Variants in GOLIM4 observed in about 807,000 individuals in gnomAD.
GOLIM4 encodes 130 kDa golgi-localized phosphoprotein.
Under a neutral mutation model 107.4 loss-of-function variants are expected in GOLIM4, and 71 were observed. The ratio of observed to expected loss-of-function variants is 0.66; its 90% CI spans 0.55 to 0.81. The LOEUF (loss-of-function observed/expected upper bound fraction) is 0.81. GOLIM4 is among the 30% of genes least tolerant of loss of function. The pLI is 0.00. For missense variants in GOLIM4, 830 were observed against 826.1 expected (o/e 1.00, Z -0.06); for synonymous variants, 327 against 294.8 (o/e 1.11, Z -1.12).
chr3:168,010,814 C>A lies in GOLIM4; in HGVS notation c.1870G>T (p.Asp624Tyr). 1 of 1,608,046 alleles carries A rather than the reference C, an allele frequency of 6.2e-7. No homozygotes were observed. Among genetic ancestry groups the A allele is most frequent in the South Asian group, 1.1e-5 (1 of 90,986 alleles). Residue 624 changes from aspartate to tyrosine, a missense_variant, in exon 15 of 16, where the codon GAT becomes TAT. Physicochemically the swap from Asp to Tyr is radical, Grantham distance 160. Coordinates refer to ENST00000470487, the MANE Select transcript of GOLIM4 (RefSeq NM_014498.5). ...TCCCTTTTTTTCTCTTCAGTCAAAT[C>A]TTCCTGAACCTAAAACAAACCACAG... ...QEEAEEEVQE[D>Y]LTEEKKRELE...
intron 10 of GOLIM4, 52 bp downstream of exon 10, chr3:168,029,728 A>G (rs1718198987): frequency 6.3e-7 from 1 of 1,591,434 alleles, no homozygotes; most frequent in Non-Finnish European, 8.6e-7. Flanking sequence ...TAATTTGCGT[A>G]TGAAAACTGG....
chr3:168,038,489 G>A (rs1718785753), intron 7 of GOLIM4, among the ~76,000 whole-genome samples: 1 of 152,176 alleles, frequency 6.6e-6, no homozygotes, highest in Non-Finnish European at 1.5e-5. Flanking sequence ...TAAGAGTTAA[G>A]CGTGATTTCA....
At chr3:168,087,497 T>C (rs1300370486) in intron 1 of GOLIM4, among the ~76,000 whole-genome samples, 1 of 152,166 alleles carries the variant, frequency 6.6e-6, no homozygotes, top group Non-Finnish European at 1.5e-5. Flanking sequence ...ACATGCCACA[T>C]AAAATCAACT....
rs991692226 is a variant in GOLIM4 at position 168,009,742 on chromosome 3, T to C, written c.*527A>G. The C allele has an allele frequency of 2.6e-5, 4 of 152,256 alleles. No individual in the cohort carries two copies. The highest frequency in any genetic ancestry group is 9.6e-5 in the African/African-American group (4 of 41,464). The allele number at this position is 152,256 out of a possible 1,614,324, so 9.4% of individuals were successfully genotyped here. ...ACAAAAATGGATTTCCAATTGTATG[T>C]CACTTTGTACATAGATCTCACTCCA... is the stretch of plus-strand genomic sequence containing the variant. On this transcript the variant is annotated 3_prime_UTR_variant, in exon 16 of 16. Coordinates refer to ENST00000470487, the MANE Select transcript of GOLIM4 (RefSeq NM_014498.5).
At chr3:168,083,869 G>A (rs763916064) in intron 1 of GOLIM4, among the ~76,000 whole-genome samples, 2 of 152,196 alleles carry the variant, frequency 1.3e-5, no homozygotes, top group African/African-American at 2.4e-5. Flanking sequence ...GCTGAATTCA[G>A]CATGTGCTGA....
At chr3:168,017,092 G>C (rs1327697723) in intron 14 of GOLIM4, among the ~76,000 whole-genome samples, 4 of 152,104 alleles carry the variant, frequency 2.6e-5, no homozygotes, top group African/African-American at 9.7e-5. Flanking sequence ...AAATCAATGT[G>C]ATTGATCCTG....
At chr3:168,086,554 T>C (rs1165451113) in intron 1 of GOLIM4, among the ~76,000 whole-genome samples, 1 of 152,222 alleles carries the variant, frequency 6.6e-6, no homozygotes, top group Non-Finnish European at 1.5e-5. Flanking sequence ...AATAATATCA[T>C]TTCAATGTTC....
chr3:168,072,923 A>G (rs993724104), intron 1 of GOLIM4, among the ~76,000 whole-genome samples: 5 of 152,210 alleles, frequency 3.3e-5, no homozygotes, highest in African/African-American at 7.2e-5. Flanking sequence ...ACACAGTTTC[A>G]TGTATTTTTA....
At chr3:168,069,071 G>T (rs1329914385) in intron 1 of GOLIM4, among the ~76,000 whole-genome samples, 2 of 152,046 alleles carry the variant, frequency 1.3e-5, no homozygotes, top group African/African-American at 4.8e-5. Context: ...TCCTGATGGT[G>T]ATCTGCTCAC....
chr3:168,087,328 G>A (rs1290378345), intron 1 of GOLIM4, among the ~76,000 whole-genome samples: 2 of 152,030 alleles, frequency 1.3e-5, no homozygotes, highest in African/African-American at 2.4e-5. Flanking sequence ...TCAAGTTGTT[G>A]GCTGCCTAAC....
At chr3:168,048,854 A>G (rs1246534404) in intron 1 of GOLIM4, among the ~76,000 whole-genome samples, 3 of 152,190 alleles carry the variant, frequency 2.0e-5, no homozygotes, top group African/African-American at 7.2e-5. Context: ...GGCTGCCTGG[A>G]TCCATAAGGA....
At chr3:168,067,696 T>C (rs2108274440) in intron 1 of GOLIM4, among the ~76,000 whole-genome samples, 1 of 152,128 alleles carries the variant, frequency 6.6e-6, no homozygotes, top group Admixed American at 6.5e-5. Context: ...ATAGGAAATA[T>C]AAATGAATGA....
chr3:168,051,770 T>C (rs1469432326), intron 1 of GOLIM4, among the ~76,000 whole-genome samples: 5 of 152,122 alleles, frequency 3.3e-5, no homozygotes, highest in Non-Finnish European at 5.9e-5. Context: ...TCAGAAATGG[T>C]TTGAAGGCTG....
intron 7 of GOLIM4, 84 bp downstream of exon 7, chr3:168,040,702 T>C: frequency 1.2e-6 from 1 of 810,408 alleles, no homozygotes; most frequent in Non-Finnish European, 2.1e-6. Flanking sequence ...GAAGATTGGC[T>C]TGTAAGAGAC....
chr3:168,047,567 T>C (rs1719382139), intron 2 of GOLIM4, among the ~76,000 whole-genome samples: 1 of 152,176 alleles, frequency 6.6e-6, no homozygotes, highest in Admixed American at 6.5e-5. Context: ...TCCTAACCAA[T>C]ACTGCCCCTC....
At chr3:168,046,701 CT>C (rs1335124038) in intron 3 of GOLIM4, among the ~76,000 whole-genome samples, 3 of 151,506 alleles carry the variant, frequency 2.0e-5, no homozygotes, top group African/African-American at 7.3e-5. Flanking sequence ...AAATAATCTT[CT>C]TTTTATAGTT....
intron 1 of GOLIM4, among the ~76,000 whole-genome samples, chr3:168,050,132 T>C (rs982347113): frequency 6.6e-6 from 1 of 152,138 alleles, no homozygotes; most frequent in Non-Finnish European, 1.5e-5. Flanking sequence ...CCTTTCCCCC[T>C]GCATTATTAT....
intron 1 of GOLIM4, among the ~76,000 whole-genome samples, chr3:168,048,922 C>T (rs1427028408): frequency 6.6e-6 from 1 of 152,122 alleles, no homozygotes; most frequent in African/African-American, 2.4e-5. Context: ...CCTCCTCCCA[C>T]GTCAAGGAAA....
intron 1 of GOLIM4, among the ~76,000 whole-genome samples, chr3:168,083,256 T>C (rs1431568234): frequency 6.6e-6 from 1 of 152,142 alleles, no homozygotes; most frequent in East Asian, 1.9e-4. Context: ...AAATCAAAAA[T>C]ATCTTACTAA....
Sources: allele counts gnomAD v4.1 joint callset (sites outside exome capture counted in the v4.1 genomes callset), GRCh38; gene constraint gnomAD v4.1.1; transcripts MANE v1.5; gene names NCBI Gene and HGNC (gene_info 2026-07-23, HGNC 2026-07-21).